JAZF1: variants seen among roughly 807,000 people sequenced by gnomAD.
The protein encoded by JAZF1 is juxtaposed with another zinc finger protein 1.
A neutral mutation model predicts 26.4 loss-of-function variants in JAZF1; 8 were observed. The ratio of observed to expected loss-of-function variants is 0.30; its 90% CI spans 0.18 to 0.55. The LOEUF is 0.55. Ranked by LOEUF, JAZF1 falls within the 20% of genes least tolerant of loss-of-function variation. The pLI is 0.94. For synonymous variants in JAZF1, 126 were observed against 122.3 expected (o/e 1.03, Z -0.20); for missense variants, 199 against 322.0 (o/e 0.62, Z 2.92).
chr7:28,176,067 C>T (rs1783547062), intron 1 of JAZF1, among the ~76,000 whole-genome samples: 1 of 152,134 alleles, frequency 6.6e-6, no homozygotes, highest in Non-Finnish European at 1.5e-5. Flanking sequence ...AAATGAAGCA[C>T]TGTAGGTTTA....
chr7:27,945,093 G>T (rs183621464), intron 2 of JAZF1, among the ~76,000 whole-genome samples: 131 of 152,076 alleles, frequency 8.6e-4, no homozygotes, highest in African/African-American at 3.0e-3. Context: ...AAGTGATCGA[G>T]AACTCACTTT....
chr7:27,942,009 A>C (rs1784855446), intron 2 of JAZF1, among the ~76,000 whole-genome samples: 1 of 152,224 alleles, frequency 6.6e-6, no homozygotes. Flanking sequence ...TGAATAAATC[A>C]CTTCATCAGA....
intron 4 of JAZF1, among the ~76,000 whole-genome samples, chr7:27,835,512 ACT>A (rs1782790071): frequency 6.6e-6 from 1 of 152,128 alleles, no homozygotes; most frequent in African/African-American, 2.4e-5. Flanking sequence ...CAGCTTTATG[ACT>A]CTGGAAAAAT....
intron 1 of JAZF1, among the ~76,000 whole-genome samples, chr7:28,120,986 T>C (rs542927002): frequency 2.2e-4 from 34 of 152,014 alleles, no homozygotes; most frequent in African/African-American, 8.0e-4. Flanking sequence ...GATCACTTGA[T>C]GTCAGGAGTT....
At chr7:28,122,312 G>A (rs866639970) in intron 1 of JAZF1, among the ~76,000 whole-genome samples, 3 of 152,050 alleles carry the variant, frequency 2.0e-5, no homozygotes, top group Admixed American at 1.3e-4. Context: ...CAAATAGGAC[G>A]GGCAACTTCC....
chr7:28,065,774 C>A (rs983569515), intron 1 of JAZF1, among the ~76,000 whole-genome samples: 1 of 152,042 alleles, frequency 6.6e-6, no homozygotes, highest in Non-Finnish European at 1.5e-5. Context: ...ATTTGTCCTT[C>A]TTTTTAAATG....
chr7:28,081,834 T>C (rs1168363664), intron 1 of JAZF1, among the ~76,000 whole-genome samples: 2 of 152,224 alleles, frequency 1.3e-5, no homozygotes, highest in Non-Finnish European at 2.9e-5. Flanking sequence ...TTAATTCACA[T>C]ATTATGCCAT....
rs935865936 is a variant in JAZF1, at chr7:27,840,549, G to C, written c.555+149C>G. On this transcript the variant is annotated intron_variant, in intron 4 of 4. Coordinates refer to ENST00000283928, the MANE Select transcript of JAZF1 (RefSeq NM_175061.4). This position sits in a 1 kb window ranked among gnomAD's most constrained non-coding sequence, Gnocchi z 5.1. ...CCTTGAGGGCACCTGTGTGCACACA[G>C]GGGTGAGGCCCACGCACTCTAATGC... is the stretch of plus-strand genomic sequence containing the variant. 2.5e-6 allele frequency: 2 copies of C among 810,796 alleles called. No individual in the cohort carries two copies. Among genetic ancestry groups the C allele is most frequent in the African/African-American group, 3.4e-5 (2 of 58,120 alleles). 50.2% of individuals were successfully genotyped at this position (810,796 alleles called of 1,614,324 possible). A position where few individuals can be genotyped will look rare whatever the true frequency, so the allele number is the denominator to read the frequency against.
intron 2 of JAZF1, chr7:27,914,855 C>A (rs533335137): frequency 2.1e-6 from 1 of 471,070 alleles, no homozygotes; most frequent in Non-Finnish European, 4.4e-6. Context: ...CACTGGGCTC[C>A]TCTGTTCTAG....
intron 1 of JAZF1, among the ~76,000 whole-genome samples, chr7:28,064,013 T>C (rs936317720): frequency 6.6e-6 from 1 of 152,074 alleles, no homozygotes; most frequent in African/African-American, 2.4e-5. Context: ...AAATGCTCCA[T>C]TTTTTCTCTT....
chr7:27,870,517 A>G (rs1783561969), intron 3 of JAZF1, among the ~76,000 whole-genome samples: 1 of 152,138 alleles, frequency 6.6e-6, no homozygotes, highest in African/African-American at 2.4e-5. Context: ...CCTATATACA[A>G]TGTTATCACT....
rs1028538801 is a variant in JAZF1, at chr7:27,957,396, A to C, written c.188+34513T>G. 1.9e-4 allele frequency among the ~76,000 whole-genome samples: 29 copies of C among 152,364 alleles called. No homozygotes were observed. The East Asian group carries it at 5.4e-3, about 28-fold the overall frequency. ...GTATGTTCAAGGTAGCCTCAGAGGA[A>C]GCAATACCTCCAGGTAGTTCATCTA... On this transcript the variant is annotated intron_variant, in intron 2 of 4. Transcript: ENST00000283928.
chr7:28,016,368 A>C (rs983577263), intron 1 of JAZF1, among the ~76,000 whole-genome samples: 5 of 152,192 alleles, frequency 3.3e-5, no homozygotes, highest in Non-Finnish European at 5.9e-5. Flanking sequence ...GGCCTGAACA[A>C]CCCATAAACT....
intron 1 of JAZF1, among the ~76,000 whole-genome samples, chr7:28,145,002 T>C (rs1023277356): frequency 1.1e-4 from 16 of 152,356 alleles, no homozygotes; most frequent in Admixed American, 7.2e-4. Context: ...CTCTTCTGTT[T>C]TAAAAATCAT....
chr7:27,905,624 T>C (rs1413424920), intron 2 of JAZF1, among the ~76,000 whole-genome samples: 2 of 151,904 alleles, frequency 1.3e-5, no homozygotes, highest in Non-Finnish European at 2.9e-5. Flanking sequence ...ATATTCTCTT[T>C]GGTATATTAT....
intron 2 of JAZF1, among the ~76,000 whole-genome samples, chr7:27,939,418 G>A (rs1383729649): frequency 6.6e-6 from 1 of 152,230 alleles, no homozygotes; most frequent in African/African-American, 2.4e-5. Flanking sequence ...TTCCTTTGCA[G>A]GGTGTGGTTC....
At chr7:28,155,813 G>A (rs1224991536) in intron 1 of JAZF1, among the ~76,000 whole-genome samples, 4 of 152,196 alleles carry the variant, frequency 2.6e-5, no homozygotes, top group Non-Finnish European at 5.9e-5. Flanking sequence ...GGGAAGTATA[G>A]GAACCAAATA....
intron 1 of JAZF1, among the ~76,000 whole-genome samples, chr7:28,163,189 C>A (rs181804569): frequency 6.6e-6 from 1 of 152,294 alleles, no homozygotes; most frequent in African/African-American, 2.4e-5. Context: ...TATCCTATTC[C>A]TCAGTTTGCA....
At chr7:27,897,081 C>CTT (rs34234809) in intron 2 of JAZF1, among the ~76,000 whole-genome samples, 6 of 150,216 alleles carry the variant, frequency 4.0e-5, no homozygotes, top group African/African-American at 1.2e-4. Flanking sequence ...AGAACTAGTG[C>CTT]TTTTTTTTTT....
Sources: gnomAD v4.1 joint callset for allele counts (sites outside exome capture counted in the v4.1 genomes callset) on GRCh38, gnomAD v4.1.1 for gene constraint, Gnocchi (gnomAD v3.1) non-coding constraint, MANE v1.5 for transcripts, NCBI Gene and HGNC (gene_info 2026-07-23, HGNC 2026-07-21) for gene names.